ZNF354A: variants seen among roughly 807,000 people sequenced by gnomAD.
ZNF354A encodes zinc finger protein 354A.
A neutral mutation model predicts 53.3 loss-of-function variants in ZNF354A; 25 were observed. The ratio of observed to expected loss-of-function variants is 0.47; its 90% CI spans 0.34 to 0.66. The LOEUF (loss-of-function observed/expected upper bound fraction) is 0.66, where lower values mean the gene tolerates loss of function less well. ZNF354A is among the 30% of genes least tolerant of loss of function. The pLI is 0.01. For synonymous variants in ZNF354A, 228 were observed against 249.0 expected, an observed-to-expected ratio of 0.92 and a Z score of 0.79; for missense variants, 586 against 716.8, an observed-to-expected ratio of 0.82 and a Z score of 2.08.
At chr5:178,726,554 C>T (rs939294267) in intron 3 of ZNF354A, among the ~76,000 whole-genome samples, 4 of 152,234 alleles carry the variant, frequency 2.6e-5, no homozygotes, top group East Asian at 1.9e-4. Context: ...CCCGCCTTGG[C>T]CTCCCAAAGT....
At chr5:178,713,793 A>G (rs993603875) in intron 4 of ZNF354A, among the ~76,000 whole-genome samples, 172 bp from the exon 5 acceptor site, 9 of 152,228 alleles carry the variant, frequency 5.9e-5, no homozygotes, top group African/African-American at 1.7e-4. Flanking sequence ...ATAATAAAAT[A>G]TAATTGACAG....
chr5:178,730,304 C>T (rs893351071), intron 1 of ZNF354A, among the ~76,000 whole-genome samples: 6 of 152,002 alleles, frequency 3.9e-5, no homozygotes, highest in Non-Finnish European at 7.4e-5. Flanking sequence ...GCGAGGCCCA[C>T]ATGGAGTGGG....
chr5:178,727,496 CAT>C (rs1369008305), intron 2 of ZNF354A, among the ~76,000 whole-genome samples: 1 of 152,164 alleles, frequency 6.6e-6, no homozygotes, highest in Non-Finnish European at 1.5e-5. Context: ...TACACACAAA[CAT>C]ATTCATGGTG....
At chr5:178,726,067 C>A in intron 3 of ZNF354A, 2 of 423,874 alleles carry the variant, frequency 4.7e-6, no homozygotes, top group Middle Eastern at 3.8e-4. Context: ...TGGTCTTGAT[C>A]TTCTGACCTT....
At position 178,724,227 on chromosome 5, in the gene ZNF354A, C is replaced by CT. The variant is rs768708878; in HGVS notation, c.256+1148dup. ...GCAATCGCTCTGCAAGGCTTCCCGC[C>CT]TTTTTTTTTTTTTTTAAGACAGAGT... is the stretch of plus-strand genomic sequence containing the variant. On this transcript the variant is annotated intron_variant, in intron 4 of 4. Transcript: ENST00000335815. Among the ~76,000 whole-genome samples, 1,401 of 143,420 alleles carry CT rather than the reference C, an allele frequency of 9.8e-3. 25 individuals carry two copies. Among genetic ancestry groups the CT allele is most frequent in the African/African-American group, 0.03 (1,160 of 39,120 alleles). 94.1% of individuals were successfully genotyped at this position (143,420 alleles called of 152,430 possible). A position where few individuals can be genotyped will look rare whatever the true frequency, so the allele number is the denominator to read the frequency against.
intron 1 of ZNF354A, among the ~76,000 whole-genome samples, chr5:178,729,568 T>C (rs1765987138): frequency 6.6e-6 from 1 of 151,950 alleles, no homozygotes; most frequent in African/African-American, 2.4e-5. Flanking sequence ...TTTTTTTTTT[T>C]GAGGCGGAGT....
At chr5:178,718,059 T>G (rs1196259363) in intron 4 of ZNF354A, among the ~76,000 whole-genome samples, 3 of 152,194 alleles carry the variant, frequency 2.0e-5, no homozygotes, top group Non-Finnish European at 4.4e-5. Context: ...GGAGCTTTTA[T>G]TTTTTAATGG....
chr5:178,718,048 G>C (rs1417290396), intron 4 of ZNF354A, among the ~76,000 whole-genome samples: 1 of 152,118 alleles, frequency 6.6e-6, no homozygotes, highest in African/African-American at 2.4e-5. Context: ...ATGTGACATG[G>C]GGAGCTTTTA....
chr5:178,718,214 T>C (rs1398134320), intron 4 of ZNF354A, among the ~76,000 whole-genome samples: 4 of 152,336 alleles, frequency 2.6e-5, no homozygotes, highest in Non-Finnish European at 5.9e-5. Context: ...TTCCTTATGA[T>C]CTGTTTAGAA....
chr5:178,712,960 G>T lies in ZNF354A; in HGVS notation c.918C>A (p.Ser306=). The change falls in exon 5 of 5, where the codon TCC becomes TCA. Residue 306 remains serine, a synonymous_variant. Transcript: ENST00000335815. Reference sequence around the variant, plus strand: ...TAAAAAGGCCTGACCTTCGGCTGAAGGATTTACCACATTCTTTACATCTGT... The same window carrying T: ...TAAAAAGGCCTGACCTTCGGCTGAATGATTTACCACATTCTTTACATCTGT... The part of the protein sequence containing the change: ...KSYRCKECGK[S]FSRRSGLFIH... The T allele has an allele frequency of 1.9e-6, 3 of 1,614,070 alleles. No individual in the cohort carries two copies. The highest frequency in any genetic ancestry group is 2.5e-6 in the Non-Finnish European group (3 of 1,179,992).
In ZNF354A at chr5:178,712,567, A is replaced by C. The variant is rs1249163244; in HGVS notation, c.1311T>G (p.Phe437Leu). ...RHRIIHTGEK[F>L]YNCNECGKAL... is the part of the protein sequence containing the mutation. ...CTTTACCACATTCATTACAATTATA[A>C]AACTTCTCTCCAGTATGAATGATTC... Residue 437 changes from phenylalanine (F) to leucine (L), a missense_variant, in exon 5 of 5, where the codon TTT becomes TTG. Physicochemically the swap from Phe to Leu is conservative, Grantham distance 22. Transcript: ENST00000335815. 4 of 1,614,012 alleles carry C rather than the reference A, an allele frequency of 2.5e-6. No homozygotes were observed. The African/African-American group carries it at 4.0e-5, about 16-fold the overall frequency.
intron 4 of ZNF354A, among the ~76,000 whole-genome samples, chr5:178,719,611 A>C (rs905063390): frequency 5.9e-5 from 9 of 152,154 alleles, no homozygotes; most frequent in Admixed American, 2.6e-4. Context: ...ATCCACCCCC[A>C]CCTTATCCTA....
chr5:178,711,969 T>A lies in ZNF354A; in HGVS notation c.*91A>T. 2.1e-6 allele frequency: 3 copies of A among 1,459,458 alleles called. No individual in the cohort carries two copies. The South Asian group carries it at 4.4e-5, about 21-fold the overall frequency. The allele number at this position is 1,459,458 out of a possible 1,614,324, so 90.4% of individuals were successfully genotyped here. A position where few individuals can be genotyped will look rare whatever the true frequency, so the allele number is the denominator to read the frequency against. On this transcript the variant is annotated 3_prime_UTR_variant, in exon 5 of 5. Coordinates refer to ENST00000335815, the MANE Select transcript of ZNF354A (RefSeq NM_005649.3). Reference sequence around the variant, plus strand: ...ATGAGGGCTAAATTATTACAGTTTTTTTCACATCCATTACATTTATTACAT... The same window carrying A: ...ATGAGGGCTAAATTATTACAGTTTTATTCACATCCATTACATTTATTACAT...
chr5:178,723,168 A>T (rs56070635), intron 4 of ZNF354A, among the ~76,000 whole-genome samples: 2 of 152,126 alleles, frequency 1.3e-5, no homozygotes, highest in African/African-American at 4.8e-5. Context: ...GTTCCCATAT[A>T]AAAAAATCTC....
In ZNF354A at chr5:178,711,864, T is replaced by G. The variant is rs1272703939; in HGVS notation, c.*196A>C. The G allele has an allele frequency of 7.1e-6, 4 of 562,132 alleles. No individual in the cohort carries two copies. Among genetic ancestry groups the G allele is most frequent in the Non-Finnish European group, 1.1e-5 (4 of 355,466 alleles). The allele number at this position is 562,132 out of a possible 1,614,324, so 34.8% of individuals were successfully genotyped here. A position where few individuals can be genotyped will look rare whatever the true frequency, so the allele number is the denominator to read the frequency against. ...TGTAAATTCTTCATCTCAGGTTATT[T>G]TTTTAAGTGTCTGACAGGCACAAAC... On this transcript the variant is annotated 3_prime_UTR_variant, in exon 5 of 5. Coordinates refer to ENST00000335815, the MANE Select transcript of ZNF354A (RefSeq NM_005649.3).
chr5:178,730,014 C>T (rs1288217407), intron 1 of ZNF354A, among the ~76,000 whole-genome samples: 1 of 152,060 alleles, frequency 6.6e-6, no homozygotes, highest in East Asian at 1.9e-4. Flanking sequence ...CAGGCGCCCG[C>T]CACTACGCCC....
chr5:178,726,235 A>G (rs1210711666), intron 3 of ZNF354A: 1 of 456,124 alleles, frequency 2.2e-6, no homozygotes, highest in Admixed American at 2.3e-5. Context: ...GCCCTGTGCA[A>G]AGAATGGTGG....
In ZNF354A at chr5:178,725,413, C is replaced by T. The variant is rs1765886581; in HGVS notation, c.219G>A (p.Trp73Ter). Residue 73 changes from tryptophan to a stop codon, truncating the protein, a stop_gained, in exon 4 of 5, where the codon TGG becomes TGA. Coordinates refer to ENST00000335815, the MANE Select transcript of ZNF354A (RefSeq NM_005649.3). LOFTEE classifies it low-confidence loss of function (END_TRUNC). ...ISLLQQGEDP[W>*]EVEKDGSGVS... ...CGCCAGAACCGTCTTTCTCCACCTC[C>T]CAGGGATCTTCTCCTTGCTGCAACA... is the stretch of plus-strand genomic sequence containing the variant. 6.2e-7 allele frequency: 1 copy of T among 1,614,060 alleles called. No homozygotes were observed. The highest frequency in any genetic ancestry group is 8.5e-7 in the Non-Finnish European group (1 of 1,180,036).
At chr5:178,728,782 C>CAAAAAAAAAAAAAAAAAAAAAA (rs1157233878) in intron 2 of ZNF354A, among the ~76,000 whole-genome samples, 2 of 50,884 alleles carry the variant, frequency 3.9e-5, no homozygotes, top group African/African-American at 1.9e-4. Flanking sequence ...AAGCGAGATT[C>CAAAAAAAAAAAAAAAAAAAAAA]AAAAAAAAAA....
Sources: allele counts gnomAD v4.1 joint callset (sites outside exome capture counted in the v4.1 genomes callset), GRCh38; gene constraint gnomAD v4.1.1; transcripts MANE v1.5; gene names NCBI Gene and HGNC (gene_info 2026-07-23, HGNC 2026-07-21).